The following KLF8 variants were observed in gnomAD, a reference collection of about 807,000 sequenced individuals.
KLF8 encodes the protein KLF transcription factor 8, also known as Krueppel-like factor 8.
In KLF8, 10 loss-of-function variants were observed where a neutral mutation model predicts 18.2. That is an observed-to-expected ratio of 0.55 (90% CI 0.34 to 0.93). KLF8 has a LOEUF of 0.93. KLF8 is among the 40% of genes least tolerant of loss of function. The probability of loss-of-function intolerance (pLI) is 0.02; values close to 1 mark genes in which losing one functional copy is unlikely to be tolerated. For synonymous variants in KLF8, 109 were observed against 97.3 expected (o/e 1.12, Z -0.71); for missense variants, 264 against 277.9 (o/e 0.95, Z 0.36).
chrX:56,012,774 C>T, the KLF8 span, among the ~76,000 whole-genome samples: 1 of 111,046 alleles, frequency 9.0e-6, no homozygotes, highest in Non-Finnish European at 1.9e-5. Flanking sequence ...ATGAAAATGG[C>T]CATACTGCCC....
At chrX:56,219,243 G>T in the KLF8 span, among the ~76,000 whole-genome samples, 1 of 111,914 alleles carries the variant, frequency 8.9e-6, no homozygotes, top group Non-Finnish European at 1.9e-5. Context: ...TAACTTTTGG[G>T]AATTTGAGGC....
At chrX:56,128,832 T>A in the KLF8 span, among the ~76,000 whole-genome samples, 1 of 112,007 alleles carries the variant, frequency 8.9e-6, no homozygotes, top group Admixed American at 9.4e-5. Context: ...ACCCACAGTG[T>A]AGTTGGTGTG....
chrX:56,068,477 C>G, the KLF8 span, among the ~76,000 whole-genome samples: 7 of 111,864 alleles, frequency 6.3e-5, no homozygotes, highest in Non-Finnish European at 1.1e-4. Flanking sequence ...CTCAGTGGCC[C>G]TGATTCTGTG....
At chrX:56,079,256 C>T in the KLF8 span, among the ~76,000 whole-genome samples, 305 of 111,016 alleles carry the variant, frequency 2.7e-3, no homozygotes, top group African/African-American at 9.5e-3. Flanking sequence ...TTTGGATCTT[C>T]CCTGCTTCTC....
chrX:55,944,527 G>C, the KLF8 span, among the ~76,000 whole-genome samples: 10 of 110,990 alleles, frequency 9.0e-5, no homozygotes, highest in Middle Eastern at 4.7e-3. Context: ...TTGGTCTATT[G>C]AGAGATTCAA....
the KLF8 span, among the ~76,000 whole-genome samples, chrX:56,173,352 A>G: frequency 8.9e-6 from 1 of 112,126 alleles, no homozygotes; most frequent in South Asian, 3.7e-4. Flanking sequence ...TTTGTTAAAT[A>G]GGGAATTGTT....
the KLF8 span, among the ~76,000 whole-genome samples, chrX:56,201,980 A>C: frequency 9.0e-6 from 1 of 111,523 alleles, no homozygotes; most frequent in African/African-American, 3.3e-5. Context: ...ACCAATATTA[A>C]GAATTCAGGA....
At chrX:56,048,138 T>A in the KLF8 span, among the ~76,000 whole-genome samples, 1 of 112,050 alleles carries the variant, frequency 8.9e-6, no homozygotes, top group Non-Finnish European at 1.9e-5. Context: ...TGTAAATTTG[T>A]TTGAGTTCAT....
chrX:56,203,028 T>A, the KLF8 span, among the ~76,000 whole-genome samples: 1 of 111,422 alleles, frequency 9.0e-6, no homozygotes, highest in Non-Finnish European at 1.9e-5. Flanking sequence ...GTTGTACTAA[T>A]TTACACCCCC....
the KLF8 span, among the ~76,000 whole-genome samples, chrX:56,038,979 T>C: frequency 8.9e-6 from 1 of 112,370 alleles, no homozygotes; most frequent in Non-Finnish European, 1.9e-5. Flanking sequence ...GAGCTTTTTT[T>C]CCCTATGTTT....
At chrX:56,209,843 C>T in the KLF8 span, among the ~76,000 whole-genome samples, 1 of 111,189 alleles carries the variant, frequency 9.0e-6, no homozygotes, top group Non-Finnish European at 1.9e-5. Flanking sequence ...CAAATACTAT[C>T]TTATAATCTA....
chrX:55,994,546 T>TG, the KLF8 span, among the ~76,000 whole-genome samples: 3 of 109,996 alleles, frequency 2.7e-5, no homozygotes, highest in East Asian at 8.5e-4. Context: ...AACTTTTGGA[T>TG]GGGGGTGTTT....
At chrX:56,182,192 T>C in the KLF8 span, among the ~76,000 whole-genome samples, 2 of 111,894 alleles carry the variant, frequency 1.8e-5, no homozygotes, top group African/African-American at 6.5e-5. Context: ...ACTTCTCTTC[T>C]CGCTTCATTT....
chrX:56,046,833 A>G, the KLF8 span, among the ~76,000 whole-genome samples: 1 of 111,511 alleles, frequency 9.0e-6, no homozygotes, highest in African/African-American at 3.3e-5. Context: ...TTGACTTTAC[A>G]TAACCTGATG....
chrX:55,999,360 C>T, the KLF8 span, among the ~76,000 whole-genome samples: 1 of 85,519 alleles, frequency 1.2e-5, no homozygotes, highest in African/African-American at 4.9e-5. Context: ...AGGATTTTTT[C>T]TAATTCTTTG....
At chrX:55,996,746 AGGTGTTCCT>A in the KLF8 span, among the ~76,000 whole-genome samples, 1 of 111,441 alleles carries the variant, frequency 9.0e-6, no homozygotes, top group African/African-American at 3.3e-5. Flanking sequence ...GGAGGAGCTG[AGGTGTTCCT>A]GGTTTGCTGG....
At chrX:55,959,825 C>T in the KLF8 span, among the ~76,000 whole-genome samples, 148 of 110,744 alleles carry the variant, frequency 1.3e-3, no homozygotes, top group African/African-American at 2.8e-3. Context: ...TTTCAGGATA[C>T]GGTGCATGAA....
chrX:56,133,931 A>G, the KLF8 span, among the ~76,000 whole-genome samples: 2 of 110,780 alleles, frequency 1.8e-5, no homozygotes, highest in Non-Finnish European at 1.9e-5. Flanking sequence ...GCAAAAAAAA[A>G]AAAATACTTA....
intron 1 of KLF8, among the ~76,000 whole-genome samples, chrX:56,237,785 T>A (rs1902513884): frequency 8.9e-6 from 1 of 111,997 alleles, no homozygotes; most frequent in African/African-American, 3.2e-5. Flanking sequence ...TTTCTCACAG[T>A]TCTGGAGGCT....
Sources: gnomAD v4.1 joint callset for allele counts (sites outside exome capture counted in the v4.1 genomes callset) on GRCh38, gnomAD v4.1.1 for gene constraint, MANE v1.5 for transcripts, NCBI Gene and HGNC (gene_info 2026-07-23, HGNC 2026-07-21) for gene names.